The following TMTC2 variants were observed in gnomAD, a reference collection of about 807,000 sequenced individuals.
TMTC2 encodes transmembrane O-mannosyltransferase targeting cadherins 2.
Under a neutral mutation model 82.4 loss-of-function variants are expected in TMTC2, and 43 were observed. The ratio of observed to expected loss-of-function variants is 0.52; its 90% confidence interval spans 0.41 to 0.67. The LOEUF (loss-of-function observed/expected upper bound fraction) is 0.67, where lower values mean the gene tolerates loss of function less well. Ranked by LOEUF, TMTC2 falls within the 30% of genes least tolerant of loss-of-function variation. TMTC2 has a pLI of 0.00. For missense variants in TMTC2, 919 were observed against 1,012.4 expected (o/e 0.91, Z 1.25); for synonymous variants, 408 against 381.9 (o/e 1.07, Z -0.80).
At chr12:82,782,807 T>C (rs1877972506) in intron 1 of TMTC2, among the ~76,000 whole-genome samples, 1 of 152,178 alleles carries the variant, frequency 6.6e-6, no homozygotes. Flanking sequence ...TGATGCACAG[T>C]GCCTTTGAGT....
At chr12:83,051,504 T>C (rs1273173467) in intron 10 of TMTC2, among the ~76,000 whole-genome samples, 8 of 152,094 alleles carry the variant, frequency 5.3e-5, no homozygotes, top group Admixed American at 5.2e-4. Flanking sequence ...AAACTACTAG[T>C]CATAAAATAC....
chr12:83,090,650 C>A (rs1200258478), intron 11 of TMTC2, among the ~76,000 whole-genome samples: 2 of 152,192 alleles, frequency 1.3e-5, no homozygotes, highest in Non-Finnish European at 2.9e-5. Flanking sequence ...CCCTCCTCAT[C>A]TTTGCTGCAT....
chr12:82,742,955 G>A (rs142721662), intron 1 of TMTC2, among the ~76,000 whole-genome samples: 13 of 152,228 alleles, frequency 8.5e-5, no homozygotes, highest in African/African-American at 2.9e-4. Flanking sequence ...TGTTTTCTAC[G>A]TAGACAGTTG....
chr12:83,017,285 A>T (rs534171778), intron 8 of TMTC2, among the ~76,000 whole-genome samples: 1 of 152,172 alleles, frequency 6.6e-6, no homozygotes, highest in Admixed American at 6.5e-5. Context: ...TGTGAGAGAG[A>T]AACAGGAATT....
chr12:82,780,435 GT>G lies in TMTC2; in HGVS notation c.84-76564del, dbSNP rs34140043. Among the ~76,000 whole-genome samples, 717 of 146,102 alleles carry G rather than the reference GT, an allele frequency of 4.9e-3. 7 individuals are homozygous for G. The highest frequency in any genetic ancestry group is 0.047 in the East Asian group (239 of 5,040). ...TGCTTCATTTTCACAACAGTAAACA[GT>G]TTTTTTTTTTGTTGAGTGTTTATGT... On this transcript the variant is annotated intron_variant, in intron 1 of 11. Transcript: ENST00000321196.
chr12:82,876,023 G>A (rs1202798822), intron 2 of TMTC2, among the ~76,000 whole-genome samples: 1 of 109,730 alleles, frequency 9.1e-6, no homozygotes, highest in Non-Finnish European at 1.8e-5. Context: ...TGGTAGTAGT[G>A]GTGGCGGTGG....
At chr12:82,798,420 C>A (rs1046984498) in intron 1 of TMTC2, among the ~76,000 whole-genome samples, 2 of 145,372 alleles carry the variant, frequency 1.4e-5, no homozygotes, top group African/African-American at 5.1e-5. Flanking sequence ...TGGCGTGAAC[C>A]TGGGAGGCGG....
At chr12:82,994,629 T>TA (rs796451657) in intron 8 of TMTC2, among the ~76,000 whole-genome samples, 10,685 of 123,882 alleles carry the variant, frequency 0.086, 512 homozygotes, top group African/African-American at 0.15. Flanking sequence ...CTTACAGAAC[T>TA]AAAAAAAAAA....
intron 11 of TMTC2, among the ~76,000 whole-genome samples, chr12:83,077,571 CT>C (rs902138679): frequency 7.3e-5 from 11 of 150,346 alleles, no homozygotes; most frequent in African/African-American, 2.0e-4. Context: ...GTTAATGTGT[CT>C]TTTTTTTTAT....
intron 11 of TMTC2, among the ~76,000 whole-genome samples, chr12:83,068,278 GA>G (rs1882989908): frequency 6.6e-6 from 1 of 152,050 alleles, no homozygotes; most frequent in African/African-American, 2.4e-5. Flanking sequence ...ATTATTAATT[GA>G]AAGGATATAA....
intron 1 of TMTC2, among the ~76,000 whole-genome samples, chr12:82,694,843 G>A (rs1412772715): frequency 6.6e-6 from 1 of 151,890 alleles, no homozygotes; most frequent in South Asian, 2.1e-4. Flanking sequence ...ATTAGGAAAC[G>A]GTATAAAAAA....
At position 82,896,304 on chromosome 12, in the gene TMTC2, G is replaced by A. The variant is rs35725509; in HGVS notation, c.1141G>A (p.Val381Ile). The A allele has an allele frequency of 8.0e-3, 12,877 of 1,614,132 alleles. 158 individuals are homozygous for A. The highest frequency in any genetic ancestry group is 0.04 in the South Asian group (3,613 of 91,074). ...AGTAGAAAATGGCATTAAAAACGAT[G>A]TATCACAGAGAACCCAGCTTCCTTC... ...SKVENGIKND[V>I]SQRTQLPSTE... The change falls in exon 3 of 12, where the codon GTA becomes ATA. Residue 381 changes from valine (V) to isoleucine (I), a missense_variant. Transcript: ENST00000321196.
At chr12:82,889,144 G>T (rs1178038442) in intron 2 of TMTC2, among the ~76,000 whole-genome samples, 4 of 151,838 alleles carry the variant, frequency 2.6e-5, no homozygotes, top group African/African-American at 9.7e-5. Flanking sequence ...AGGCGTGGTG[G>T]CACACATCTG....
intron 4 of TMTC2, among the ~76,000 whole-genome samples, chr12:82,952,573 T>C (rs1877404126): frequency 6.6e-6 from 1 of 151,742 alleles, no homozygotes; most frequent in South Asian, 2.1e-4. Context: ...TGAGATGGAG[T>C]CTTGCTCTGT....
At position 82,965,118 on chromosome 12, in the gene TMTC2, T is replaced by C. The variant is rs757561919; in HGVS notation, c.1684+9T>C. ...CAGGCCTACCCTGGCTTGTAAGTAATACTCAAGTGTTTATTTTTTTATACC... is the reference window on the plus strand; with the variant it reads ...CAGGCCTACCCTGGCTTGTAAGTAACACTCAAGTGTTTATTTTTTTATACC... On this transcript the variant is annotated intron_variant, in intron 5 of 11. Transcript: ENST00000321196. The C allele has an allele frequency of 6.3e-7, 1 of 1,585,408 alleles. No homozygotes were observed. Among genetic ancestry groups the C allele is most frequent in the Admixed American group, 1.8e-5 (1 of 57,096 alleles).
At chr12:82,785,647 A>T (rs1878144017) in intron 1 of TMTC2, among the ~76,000 whole-genome samples, 1 of 152,070 alleles carries the variant, frequency 6.6e-6, no homozygotes, top group South Asian at 2.1e-4. Flanking sequence ...TTATTACCAC[A>T]TTCATTCTCA....
chr12:83,068,811 G>A (rs1484747387), intron 11 of TMTC2, among the ~76,000 whole-genome samples: 2 of 151,776 alleles, frequency 1.3e-5, no homozygotes, highest in African/African-American at 2.4e-5. Context: ...CCCATCATCC[G>A]AGCAGTGTAC....
intron 4 of TMTC2, among the ~76,000 whole-genome samples, chr12:82,934,792 G>T (rs1373751875): frequency 6.6e-6 from 1 of 152,012 alleles, no homozygotes; most frequent in Non-Finnish European, 1.5e-5. Flanking sequence ...TTGAGGAATC[G>T]CCACACTGTC....
At chr12:82,993,015 C>T (rs1879461742) in intron 8 of TMTC2, among the ~76,000 whole-genome samples, 1 of 151,932 alleles carries the variant, frequency 6.6e-6, no homozygotes, top group African/African-American at 2.4e-5. Flanking sequence ...GATGGATTCT[C>T]ACTCTGTCAC....
Sources: gnomAD v4.1 joint callset for allele counts (sites outside exome capture counted in the v4.1 genomes callset) on GRCh38, gnomAD v4.1.1 for gene constraint, MANE v1.5 for transcripts, NCBI Gene and HGNC (gene_info 2026-07-23, HGNC 2026-07-21) for gene names.